FANK1: variants seen among roughly 807,000 people sequenced by gnomAD.
The protein encoded by FANK1 is fibronectin type III and ankyrin repeat domains 1.
Under a neutral mutation model 45.3 loss-of-function variants are expected in FANK1, and 44 were observed. The observed-to-expected ratio is 0.97, with a 90% confidence interval of 0.76 to 1.25. FANK1 has a LOEUF of 1.25. FANK1 is among the 50% of genes most tolerant of loss of function. The pLI is 0.00. For synonymous variants in FANK1, 149 were observed against 152.5 expected (o/e 0.98, Z 0.17); for missense variants, 391 against 424.4 (o/e 0.92, Z 0.69).
At chr10:126,005,312 T>C (rs571033368) in intron 7 of FANK1, among the ~76,000 whole-genome samples, 12 of 149,490 alleles carry the variant, frequency 8.0e-5, no homozygotes, top group African/African-American at 2.2e-4. Context: ...TCTTTCTTTT[T>C]TTTTTTTTTT....
chr10:125,918,035 A>G (rs1312674184), intron 1 of FANK1, among the ~76,000 whole-genome samples: 1 of 151,904 alleles, frequency 6.6e-6, no homozygotes, highest in African/African-American at 2.4e-5. Flanking sequence ...AATTATGATC[A>G]TGCCACTGTA....
In FANK1 at chr10:125,898,045, G is replaced by C. The variant is rs564560491; in HGVS notation, c.13+1390G>C. Among the ~76,000 whole-genome samples the C allele has an allele frequency of 6.4e-3, 897 of 140,500 alleles. 9 individuals are homozygous for C. Among genetic ancestry groups the C allele is most frequent in the African/African-American group, 0.022 (843 of 37,850 alleles). The allele number at this position is 140,500 out of a possible 152,430, so 92.2% of individuals were successfully genotyped here. ...AAAAAAAAAAAAAAAGCCAGGTGTG[G>C]TGGCGCGTGCCTGGAGTCCTAGCTA... On this transcript the variant is annotated intron_variant, in intron 1 of 10. Transcript: ENST00000368693.
At chr10:125,978,316 C>T (rs1950978357) in intron 1 of FANK1, among the ~76,000 whole-genome samples, 1 of 131,338 alleles carries the variant, frequency 7.6e-6, no homozygotes, top group Non-Finnish European at 1.8e-5. Flanking sequence ...TTGGGACCCA[C>T]TTAAAAAAGT....
At chr10:125,970,543 G>A (rs191478438) in intron 1 of FANK1, among the ~76,000 whole-genome samples, 5 of 152,338 alleles carry the variant, frequency 3.3e-5, no homozygotes, top group South Asian at 4.1e-4. Context: ...CTGAGTGAGC[G>A]AGACTCCGTC....
intron 3 of FANK1, among the ~76,000 whole-genome samples, chr10:125,990,574 G>T (rs73370575): frequency 6.6e-6 from 1 of 152,182 alleles, no homozygotes; most frequent in Non-Finnish European, 1.5e-5. Context: ...GGTGAATATG[G>T]TTGGTTCTGC....
intron 1 of FANK1, among the ~76,000 whole-genome samples, chr10:125,919,269 G>A (rs1242197248): frequency 7.8e-6 from 1 of 127,464 alleles, no homozygotes; most frequent in Non-Finnish European, 1.6e-5. Flanking sequence ...GCAGTGGCAT[G>A]ATCTTGGCTC....
chr10:125,966,789 T>C (rs1039022696), intron 1 of FANK1, among the ~76,000 whole-genome samples: 2 of 152,236 alleles, frequency 1.3e-5, no homozygotes, highest in Non-Finnish European at 2.9e-5. Flanking sequence ...TAGTTTGTCT[T>C]AGCTGAATCT....
chr10:125,938,413 A>G (rs933700207), intron 1 of FANK1, among the ~76,000 whole-genome samples: 1 of 152,172 alleles, frequency 6.6e-6, no homozygotes, highest in African/African-American at 2.4e-5. Flanking sequence ...GAAGTAGGAG[A>G]AATGGCTTAG....
chr10:125,976,624 AT>A (rs57446589), intron 1 of FANK1, among the ~76,000 whole-genome samples: 57 of 148,446 alleles, frequency 3.8e-4, no homozygotes, highest in Middle Eastern at 3.5e-3. Context: ...TGCATTGTAA[AT>A]TTTTTTTTTT....
At chr10:125,943,672 A>G (rs1484811864) in intron 1 of FANK1, among the ~76,000 whole-genome samples, 1 of 152,200 alleles carries the variant, frequency 6.6e-6, no homozygotes, top group Non-Finnish European at 1.5e-5. Context: ...CAGAAAATAT[A>G]TTTTAGAGTC....
intron 3 of FANK1, among the ~76,000 whole-genome samples, chr10:125,990,309 C>T (rs573707103): frequency 6.6e-5 from 10 of 152,234 alleles, no homozygotes; most frequent in African/African-American, 1.4e-4. Flanking sequence ...GCAGGAGTAT[C>T]GCTTCAGCCA....
intron 1 of FANK1, among the ~76,000 whole-genome samples, chr10:125,933,577 A>T (rs991205066): frequency 6.6e-6 from 1 of 152,124 alleles, no homozygotes; most frequent in African/African-American, 2.4e-5. Flanking sequence ...CTTTTCAAAG[A>T]ACCAGCTTTT....
intron 1 of FANK1, among the ~76,000 whole-genome samples, chr10:125,902,250 TTAAAG>T (rs201461652): frequency 0.021 from 3,133 of 152,306 alleles, 96 homozygotes; most frequent in African/African-American, 0.068. Flanking sequence ...ACCCTAAAAC[TTAAAG>T]TATAATAATA....
chr10:125,998,024 T>A (rs1480253374), intron 6 of FANK1, among the ~76,000 whole-genome samples: 1 of 152,226 alleles, frequency 6.6e-6, no homozygotes, highest in Non-Finnish European at 1.5e-5. Flanking sequence ...GTGACACACA[T>A]AAAGGACAGA....
rs772878065 is a variant in FANK1 at position 125,996,559 on chromosome 10, G to A, written c.408G>A (p.Lys136=). The A allele has an allele frequency of 2.5e-6, 4 of 1,614,164 alleles. No homozygotes were observed. In the Admixed American group the frequency reaches 6.7e-5, roughly 27 times the overall value. Reference sequence around the variant, plus strand: ...CTCTGCTTTTCCCAAGCCGTGTTAAGGTTGATGTTCCCAATAAGTTTGGCT... The same window carrying A: ...CTCTGCTTTTCCCAAGCCGTGTTAAAGTTGATGTTCCCAATAAGTTTGGCT... The part of the protein sequence containing the change: ...LVRILQGGRV[K]VDVPNKFGFT... Residue 136 remains lysine (K), a synonymous_variant, in exon 5 of 11, where the codon AAG becomes AAA. Coordinates refer to ENST00000368693, the MANE Select transcript of FANK1 (RefSeq NM_145235.5).
At chr10:125,927,734 C>T (rs559502984) in intron 1 of FANK1, among the ~76,000 whole-genome samples, 31 of 152,072 alleles carry the variant, frequency 2.0e-4, no homozygotes, top group Non-Finnish European at 4.0e-4. Flanking sequence ...TTAGTAGAGA[C>T]GGGGTTTTGC....
chr10:125,971,965 A>G (rs1357518896), intron 1 of FANK1, among the ~76,000 whole-genome samples: 1 of 152,140 alleles, frequency 6.6e-6, no homozygotes, highest in Non-Finnish European at 1.5e-5. Context: ...CTTAAGAGGC[A>G]GTATGGTACA....
chr10:125,963,491 C>A (rs575760122), intron 1 of FANK1, among the ~76,000 whole-genome samples: 73 of 152,294 alleles, frequency 4.8e-4, no homozygotes, highest in African/African-American at 1.8e-3. Flanking sequence ...GACTTGGAAC[C>A]AACCTAAATG....
At chr10:125,933,916 T>C (rs1356877897) in intron 1 of FANK1, among the ~76,000 whole-genome samples, 1 of 152,210 alleles carries the variant, frequency 6.6e-6, no homozygotes, top group Non-Finnish European at 1.5e-5. Flanking sequence ...AACAGGTTAC[T>C]TAACTTCCGT....
Sources: gnomAD v4.1 joint callset for allele counts (sites outside exome capture counted in the v4.1 genomes callset) on GRCh38, gnomAD v4.1.1 for gene constraint, MANE v1.5 for transcripts, NCBI Gene and HGNC (gene_info 2026-07-23, HGNC 2026-07-21) for gene names.